The following TAF3 variants were observed in gnomAD, a reference collection of about 807,000 sequenced individuals.
The protein encoded by TAF3 is transcription initiation factor TFIID subunit 3.
A neutral mutation model predicts 80.6 loss-of-function variants in TAF3; 7 were observed. The observed-to-expected ratio is 0.09, with a 90% CI of 0.05 to 0.16. TAF3 has a LOEUF of 0.16. Among genes scored for constraint, TAF3 ranks in the 10% least tolerant of loss-of-function variants. The pLI is 1.00. For missense variants in TAF3, 921 were observed against 1,140.2 expected, an observed-to-expected ratio of 0.81 and a Z score of 2.77; for synonymous variants, 444 against 446.1, an observed-to-expected ratio of 1.00 and a Z score of 0.06.
intron 2 of TAF3, among the ~76,000 whole-genome samples, chr10:7,897,218 A>G (rs1440047059): frequency 1.3e-5 from 2 of 152,170 alleles, no homozygotes; most frequent in African/African-American, 2.4e-5. Flanking sequence ...TGCAGGGTCT[A>G]CCCACACCCA....
chr10:7,840,195 C>A (rs1434958525), intron 2 of TAF3, among the ~76,000 whole-genome samples: 2 of 151,576 alleles, frequency 1.3e-5, no homozygotes, highest in African/African-American at 4.8e-5. Flanking sequence ...CACTGTCACC[C>A]GGGCTGGAGT....
At chr10:7,998,655 A>G (rs1305178385) in intron 4 of TAF3, among the ~76,000 whole-genome samples, 1 of 152,070 alleles carries the variant, frequency 6.6e-6, no homozygotes, top group African/African-American at 2.4e-5. Context: ...CCTGGCCAAC[A>G]TGGTGAAACC....
chr10:7,965,705 A>G lies in TAF3; in HGVS notation c.2195A>G (p.Lys732Arg), dbSNP rs1221041877. 3 of 1,555,468 alleles carry G rather than the reference A, an allele frequency of 1.9e-6. No homozygotes were observed. The highest frequency in any genetic ancestry group is 2.8e-5 in the African/African-American group (2 of 71,992). ...GAGAAAGAGAAGAGAGAGCGAGAGA[A>G]GAGAGAAAAAGAGAAGGAGAAACAC... ...EREKEKRERE[K>R]REKEKEKHKH... The change falls in exon 3 of 7, where the codon AAG (lysine) becomes AGG (arginine). Residue 732 changes from lysine (K) to arginine (R), a missense_variant. Physicochemically the swap from Lys to Arg is conservative, Grantham distance 26. Around this residue, in one of 6 missense-constraint regions of TAF3, gnomAD observed 743 missense variants for 821.0 expected, o/e 0.90. Transcript: ENST00000344293.
At chr10:7,855,404 C>G (rs1837068577) in intron 2 of TAF3, among the ~76,000 whole-genome samples, 1 of 152,172 alleles carries the variant, frequency 6.6e-6, no homozygotes, top group African/African-American at 2.4e-5. Context: ...ATCCTGAAAA[C>G]AAGGGGGAAT....
chr10:7,915,057 C>T (rs1248039902), intron 2 of TAF3, among the ~76,000 whole-genome samples: 2 of 150,650 alleles, frequency 1.3e-5, no homozygotes, highest in East Asian at 2.0e-4. Context: ...TCTTCTGCCT[C>T]AGCCTCCTGA....
At chr10:7,961,645 A>G (rs1413394864) in intron 2 of TAF3, among the ~76,000 whole-genome samples, 4 of 152,000 alleles carry the variant, frequency 2.6e-5, no homozygotes, top group Non-Finnish European at 1.5e-5. Context: ...AGTTATCTCA[A>G]CAACACTCTT....
chr10:7,830,174 T>C (rs1836784187), intron 2 of TAF3, among the ~76,000 whole-genome samples: 1 of 152,116 alleles, frequency 6.6e-6, no homozygotes, highest in Non-Finnish European at 1.5e-5. Context: ...GCTCCTGCCA[T>C]CCTTTTCTTG....
At chr10:7,966,199 TG>T (rs1317293901) in intron 3 of TAF3, among the ~76,000 whole-genome samples, 3 of 152,220 alleles carry the variant, frequency 2.0e-5, no homozygotes, top group African/African-American at 7.2e-5. Context: ...ACCACTGCCT[TG>T]GTTTTCTTTT....
At chr10:7,982,274 T>C (rs577350967) in intron 4 of TAF3, among the ~76,000 whole-genome samples, 4 of 152,242 alleles carry the variant, frequency 2.6e-5, no homozygotes, top group Non-Finnish European at 5.9e-5. Flanking sequence ...GAAATAGAAA[T>C]AGATCTTCTT....
chr10:7,854,870 T>G (rs574383256), intron 2 of TAF3, among the ~76,000 whole-genome samples: 109 of 152,304 alleles, frequency 7.2e-4, no homozygotes, highest in African/African-American at 2.4e-3. Flanking sequence ...CTGAGTGTTG[T>G]GGATGAACAG....
At chr10:7,837,276 T>G (rs1282663342) in intron 2 of TAF3, among the ~76,000 whole-genome samples, 1 of 151,790 alleles carries the variant, frequency 6.6e-6, no homozygotes, top group Admixed American at 6.6e-5. Flanking sequence ...GGCAGGAGAA[T>G]TGCTTGAACC....
intron 2 of TAF3, among the ~76,000 whole-genome samples, chr10:7,922,085 T>A (rs1368186153): frequency 6.6e-6 from 1 of 152,166 alleles, no homozygotes; most frequent in Non-Finnish European, 1.5e-5. Flanking sequence ...GCCTGTTTAC[T>A]TAATAAATTC....
At chr10:7,921,957 G>T (rs1837766866) in intron 2 of TAF3, among the ~76,000 whole-genome samples, 1 of 152,032 alleles carries the variant, frequency 6.6e-6, no homozygotes, top group Non-Finnish European at 1.5e-5. Context: ...CTAGTTAATA[G>T]ATATATTGAA....
chr10:7,986,679 TCTC>T (rs1337605233), intron 4 of TAF3, among the ~76,000 whole-genome samples: 2 of 152,148 alleles, frequency 1.3e-5, no homozygotes, highest in Non-Finnish European at 2.9e-5. Context: ...AGCTTGGCTG[TCTC>T]CTCCTTGTCT....
rs188835944 is a variant in TAF3 at position 8,014,631 on chromosome 10, G to T, written c.2676-6G>T. 30 of 1,610,508 alleles carry T rather than the reference G, an allele frequency of 1.9e-5. No homozygotes were observed. Among genetic ancestry groups the T allele is most frequent in the Non-Finnish European group, 2.5e-5 (29 of 1,178,384 alleles). ...GTTGCTTATCTGAGCTTGTTTTCAC[G>T]TGCAGGCCCTGTGTTGGAATCATGA... On this transcript the variant is annotated splice_polypyrimidine_tract_variant and splice_region_variant and intron_variant, in intron 6 of 6. Transcript: ENST00000344293.
At chr10:7,941,320 C>T (rs1837973725) in intron 2 of TAF3, among the ~76,000 whole-genome samples, 1 of 152,212 alleles carries the variant, frequency 6.6e-6, no homozygotes, top group Non-Finnish European at 1.5e-5. Context: ...TTGAATTAAA[C>T]TTCAAATGAA....
At chr10:8,001,587 A>G (rs919149769) in intron 4 of TAF3, among the ~76,000 whole-genome samples, 2 of 152,246 alleles carry the variant, frequency 1.3e-5, no homozygotes, top group Non-Finnish European at 2.9e-5. Flanking sequence ...ATTGTCGTGC[A>G]GTCAAATCAG....
chr10:7,837,977 A>C (rs769556732), intron 2 of TAF3, among the ~76,000 whole-genome samples: 6 of 152,268 alleles, frequency 3.9e-5, no homozygotes, highest in Non-Finnish European at 7.3e-5. Flanking sequence ...GCAGCCATCA[A>C]ATAATTTATC....
intron 4 of TAF3, among the ~76,000 whole-genome samples, chr10:8,001,954 C>T (rs979600847): frequency 1.1e-4 from 17 of 152,144 alleles, no homozygotes; most frequent in Non-Finnish European, 2.4e-4. Flanking sequence ...AAAGTTAAAA[C>T]GAAGTGACAA....
Sources: allele counts gnomAD v4.1 joint callset (sites outside exome capture counted in the v4.1 genomes callset), GRCh38; gene constraint gnomAD v4.1.1; regional missense constraint gnomAD v4.1.1; transcripts MANE v1.5; gene names NCBI Gene and HGNC (gene_info 2026-07-23, HGNC 2026-07-21).